Variants in SARDH observed in about 807,000 individuals in gnomAD.
SARDH encodes sarcosine dehydrogenase, mitochondrial.
SARDH carries 95 observed loss-of-function variants against 109.1 expected under a neutral mutation model. The observed-to-expected ratio is 0.87, with a 90% CI of 0.74 to 1.03. SARDH has a LOEUF of 1.03. Ranked by LOEUF, SARDH falls within the 50% of genes least tolerant of loss-of-function variation. The pLI, the probability that SARDH is intolerant of heterozygous loss-of-function variation, is 0.00. For missense variants in SARDH, 1,267 were observed against 1,287.8 expected (o/e 0.98, Z 0.25); for synonymous variants, 572 against 534.8 (o/e 1.07, Z -0.96).
intron 4 of SARDH, among the ~76,000 whole-genome samples, chr9:133,730,442 T>A (rs1832638189): frequency 7.1e-6 from 1 of 141,228 alleles, no homozygotes; most frequent in South Asian, 2.3e-4. Context: ...CCTCTTTTCA[T>A]AACGTGAAAA....
At chr9:133,713,794 C>T (rs978723105) in intron 8 of SARDH, among the ~76,000 whole-genome samples, 3 of 152,178 alleles carry the variant, frequency 2.0e-5, no homozygotes, top group South Asian at 2.1e-4. Context: ...CGAGTCACTT[C>T]GCCTCTCTGA....
chr9:133,666,740 C>A lies in SARDH; in HGVS notation c.2626G>T (p.Gly876Trp), dbSNP rs1830080592. ...AYGYIHDPSGGPVSLDFVKSG... is the reference protein window; with the variant it reads ...AYGYIHDPSGWPVSLDFVKSG... ...GGCCAGAGAAGGGGACTCACCGGCC[C>A]ACCGCTGGGGTCATGGATGTAACCG... The change falls in exon 20 of 21, where the codon GGG becomes TGG. Residue 876 changes from glycine to tryptophan, a missense_variant. Transcript: ENST00000439388. The surrounding 1 kb of genome is among the most constrained non-coding windows in gnomAD (Gnocchi z 5.2). 1 of 1,590,954 alleles carries A rather than the reference C, an allele frequency of 6.3e-7. No homozygotes were observed. The highest frequency in any genetic ancestry group is 2.3e-5 in the East Asian group (1 of 43,696).
intron 8 of SARDH, among the ~76,000 whole-genome samples, chr9:133,715,445 C>T (rs116938429): frequency 0.015 from 2,347 of 152,272 alleles, 27 homozygotes; most frequent in Middle Eastern, 0.024. Flanking sequence ...CAGTGAGTCA[C>T]GGCTGTGTGC....
downstream of SARDH, among the ~76,000 whole-genome samples, chr9:133,662,975 A>G (rs1829934431): frequency 6.6e-6 from 1 of 152,236 alleles, no homozygotes; most frequent in African/African-American, 2.4e-5. The surrounding 1 kb of genome is among the most constrained non-coding windows in gnomAD (Gnocchi z 5.1). Flanking sequence ...GAAGGTGGGC[A>G]GAGGAGCCAC....
chr9:133,731,996 T>G (rs921467889), intron 3 of SARDH, among the ~76,000 whole-genome samples: 1 of 152,128 alleles, frequency 6.6e-6, no homozygotes, highest in Non-Finnish European at 1.5e-5. Context: ...TCCTCAGGCG[T>G]GGACCACTGG....
intron 6 of SARDH, among the ~76,000 whole-genome samples, chr9:133,719,604 GAA>G (rs1018397767): frequency 4.5e-4 from 69 of 152,116 alleles, no homozygotes; most frequent in Non-Finnish European, 7.4e-4. Flanking sequence ...AGAGGCTCCA[GAA>G]GTGGGGAGAG....
Position 133,733,836 on chromosome 9 carries a change from T to G in SARDH, c.331+7A>C. On this transcript the variant is annotated splice_region_variant and intron_variant, in intron 2 of 20. Coordinates refer to ENST00000439388, the MANE Select transcript of SARDH (RefSeq NM_001134707.2). ...TTCCCTGCCCCTACCTGGCCCCCGG[T>G]CCCTACCTGCCGTGTGCCAGGTGGT... 1 of 1,452,118 alleles carries G rather than the reference T, an allele frequency of 6.9e-7. No homozygotes were observed. The highest frequency in any genetic ancestry group is 9.1e-7 in the Non-Finnish European group (1 of 1,099,578). 90.0% of individuals were successfully genotyped at this position (1,452,118 alleles called of 1,614,324 possible).
rs1430254071 is a variant in SARDH, at chr9:133,728,889, TG to T, written c.915+875del. 3.3e-5 allele frequency among the ~76,000 whole-genome samples: 5 copies of T among 151,204 alleles called. No homozygotes were observed. In the East Asian group the frequency reaches 7.8e-4, roughly 24 times the overall value. ...ATTGATGGGTAGAAGTTTAGGTGGG[TG>T]GGTGGATGGAAGGATATATGAAAGA... is the stretch of plus-strand genomic sequence containing the variant. On this transcript the variant is annotated intron_variant, in intron 6 of 20. Coordinates refer to ENST00000439388, the MANE Select transcript of SARDH (RefSeq NM_001134707.2). The surrounding 1 kb of genome is among the most constrained non-coding windows in gnomAD (Gnocchi z 5.0).
In SARDH at chr9:133,692,502, C is replaced by T. The variant is rs1360813332; in HGVS notation, c.1921+1756G>A. 6.6e-6 allele frequency among the ~76,000 whole-genome samples: 1 copy of T among 152,166 alleles called. No homozygotes were observed. The highest frequency in any genetic ancestry group is 1.5e-5 in the Non-Finnish European group (1 of 68,018). On this transcript the variant is annotated intron_variant, in intron 15 of 20. Coordinates refer to ENST00000439388, the MANE Select transcript of SARDH (RefSeq NM_001134707.2). This position sits in a 1 kb window ranked among gnomAD's most constrained non-coding sequence, Gnocchi z 5.0. Reference sequence around the variant, plus strand: ...TCTACACCCTTGTAGCCAGTGGCTCCTCCCCATCCTTCCAAGCTCAGGCCG... The same window carrying T: ...TCTACACCCTTGTAGCCAGTGGCTCTTCCCCATCCTTCCAAGCTCAGGCCG...
intron 16 of SARDH, among the ~76,000 whole-genome samples, chr9:133,688,625 T>A (rs987231660): frequency 1.3e-5 from 2 of 152,128 alleles, no homozygotes; most frequent in South Asian, 2.1e-4. Flanking sequence ...GCCTCCAGTA[T>A]CTCACCCTGC....
At position 133,728,008 on chromosome 9, in the gene SARDH, C is replaced by T. The variant is rs555994356; in HGVS notation, c.915+1757G>A. Among the ~76,000 whole-genome samples the T allele has an allele frequency of 5.9e-5, 9 of 152,242 alleles. 1 individual carries two copies. The South Asian group carries it at 1.7e-3, about 28-fold the overall frequency. ...AACCCACTGAGACCTGAGCGTGACCCCTGGCGGCCACCTAGGGGAGGAGGC... is the reference window on the plus strand; with the variant it reads ...AACCCACTGAGACCTGAGCGTGACCTCTGGCGGCCACCTAGGGGAGGAGGC... On this transcript the variant is annotated intron_variant, in intron 6 of 20. Transcript: ENST00000439388. The surrounding 1 kb of genome is among the most constrained non-coding windows in gnomAD (Gnocchi z 5.0).
At chr9:133,680,113 C>A (rs1376632961) in intron 17 of SARDH, among the ~76,000 whole-genome samples, 1 of 152,228 alleles carries the variant, frequency 6.6e-6, no homozygotes, top group African/African-American at 2.4e-5. Context: ...ATATGAAATT[C>A]TCCCTGGATT....
chr9:133,699,220 C>T (rs1564265835), intron 13 of SARDH, among the ~76,000 whole-genome samples: 1 of 151,780 alleles, frequency 6.6e-6, no homozygotes, highest in African/African-American at 2.4e-5. Context: ...GTGGTGCATG[C>T]CTGTAATCCC....
intron 16 of SARDH, among the ~76,000 whole-genome samples, chr9:133,688,430 G>A (rs564859268): frequency 4.8e-5 from 7 of 145,962 alleles, no homozygotes; most frequent in African/African-American, 1.8e-4. Flanking sequence ...ACCCTCGCCC[G>A]TGAGCCGCAT....
chr9:133,661,339 CAAA>C (rs748291485), downstream of SARDH, among the ~76,000 whole-genome samples: 99 of 140,240 alleles, frequency 7.1e-4, no homozygotes, highest in African/African-American at 2.0e-3. Flanking sequence ...AACCCTGTCT[CAAA>C]AAAAAAACAA....
At position 133,718,992 on chromosome 9, in the gene SARDH, T is replaced by C; in HGVS notation, c.966A>G (p.Gln322=). 6.2e-7 allele frequency: 1 copy of C among 1,614,150 alleles called. No homozygotes were observed. Among genetic ancestry groups the C allele is most frequent in the Non-Finnish European group, 8.5e-7 (1 of 1,180,022 alleles). Residue 322 remains glutamine, a synonymous_variant, in exon 7 of 21, where the codon CAA becomes CAG. Coordinates refer to ENST00000439388, the MANE Select transcript of SARDH (RefSeq NM_001134707.2). The surrounding 1 kb of genome is among the most constrained non-coding windows in gnomAD (Gnocchi z 4.2). The part of the protein sequence containing the change: ...DHDASVYLRL[Q]GDALSVGGYE... Reference sequence around the variant, plus strand: ...AGCCACCCACAGACAAGGCATCCCCTTGGAGGCGGAGGTAGACAGAGGCAT... The same window carrying C: ...AGCCACCCACAGACAAGGCATCCCCCTGGAGGCGGAGGTAGACAGAGGCAT...
In SARDH at chr9:133,669,374, T is replaced by A. The variant is rs1024629866; in HGVS notation, c.2495+1210A>T. 4.5e-4 allele frequency among the ~76,000 whole-genome samples: 63 copies of A among 138,774 alleles called. 1 individual carries two copies. Among genetic ancestry groups the A allele is most frequent in the African/African-American group, 1.5e-3 (54 of 35,994 alleles). The allele number at this position is 138,774 out of a possible 152,430, so 91.0% of individuals were successfully genotyped here. On this transcript the variant is annotated intron_variant, in intron 19 of 20. Coordinates refer to ENST00000439388, the MANE Select transcript of SARDH (RefSeq NM_001134707.2). ...CCCCTCGTCACTCTGACACTCCTTTTGAAGGCTCCAGAAATCTGGGAGAAG... is the reference window on the plus strand; with the variant it reads ...CCCCTCGTCACTCTGACACTCCTTTAGAAGGCTCCAGAAATCTGGGAGAAG...
At chr9:133,699,892 C>T (rs1386156279) in intron 13 of SARDH, among the ~76,000 whole-genome samples, 1 of 152,228 alleles carries the variant, frequency 6.6e-6, no homozygotes, top group Non-Finnish European at 1.5e-5. Context: ...AACATACATG[C>T]ATACGACACC....
intron 8 of SARDH, among the ~76,000 whole-genome samples, chr9:133,713,727 G>A (rs1379020798): frequency 6.6e-6 from 1 of 152,252 alleles, no homozygotes; most frequent in Non-Finnish European, 1.5e-5. Flanking sequence ...GGCTCTCTGT[G>A]GCCACAGTCC....
Sources: gnomAD v4.1 joint callset for allele counts (sites outside exome capture counted in the v4.1 genomes callset) on GRCh38, gnomAD v4.1.1 for gene constraint, Gnocchi (gnomAD v3.1) non-coding constraint, MANE v1.5 for transcripts, NCBI Gene and HGNC (gene_info 2026-07-23, HGNC 2026-07-21) for gene names.